The following WWTR1 variants were observed in gnomAD, a reference collection of about 807,000 sequenced individuals.
The protein encoded by WWTR1 is WW domain containing transcription regulator 1.
A neutral mutation model predicts 40.1 loss-of-function variants in WWTR1; 13 were observed. The ratio of observed to expected loss-of-function variants is 0.32; its 90% CI spans 0.21 to 0.52. WWTR1 has a LOEUF of 0.52. WWTR1 is among the 20% of genes least tolerant of loss of function. The pLI is 0.97. For synonymous variants in WWTR1, 230 were observed against 210.1 expected (o/e 1.09, Z -0.82); for missense variants, 436 against 523.1 (o/e 0.83, Z 1.63).
chr3:149,704,403 C>T (rs1559846203), upstream of WWTR1, among the ~76,000 whole-genome samples: 1 of 152,114 alleles, frequency 6.6e-6, no homozygotes, highest in Non-Finnish European at 1.5e-5. Flanking sequence ...CAAAAGCCTC[C>T]CTCCCAAATG....
chr3:149,548,561 G>A (rs1031042473), intron 3 of WWTR1, among the ~76,000 whole-genome samples: 17 of 152,186 alleles, frequency 1.1e-4, no homozygotes, highest in South Asian at 2.1e-4. Flanking sequence ...AAACCATAGC[G>A]GACAGGCCTG....
intron 6 of WWTR1, among the ~76,000 whole-genome samples, chr3:149,522,728 C>A (rs1261061542): frequency 6.6e-6 from 1 of 152,016 alleles, no homozygotes; most frequent in African/African-American, 2.4e-5. Flanking sequence ...TTTAGCCAAG[C>A]AAAATCTCTG....
intron 2 of WWTR1, among the ~76,000 whole-genome samples, chr3:149,577,468 G>A (rs1035464959): frequency 1.8e-4 from 28 of 152,064 alleles, no homozygotes; most frequent in African/African-American, 5.8e-4. Context: ...CTTCCTTCAA[G>A]AGCCCCTTGG....
intron 1 of WWTR1, among the ~76,000 whole-genome samples, chr3:149,685,139 GA>G (rs1465093203): frequency 2.6e-5 from 4 of 152,204 alleles, no homozygotes; most frequent in African/African-American, 9.6e-5. Context: ...ATCCTGGGAG[GA>G]ATTGCCTTAC....
At chr3:149,672,622 G>C (rs913635970) in intron 1 of WWTR1, among the ~76,000 whole-genome samples, 1 of 151,844 alleles carries the variant, frequency 6.6e-6, no homozygotes, top group African/African-American at 2.4e-5. Flanking sequence ...TAGAGATATA[G>C]TTCTTAATAA....
chr3:149,549,304 T>C (rs548033110), intron 3 of WWTR1, among the ~76,000 whole-genome samples: 3 of 152,308 alleles, frequency 2.0e-5, no homozygotes, highest in African/African-American at 7.2e-5. Context: ...CAGTGACAAG[T>C]CATGATAATG....
At chr3:149,696,642 C>T (rs917976984) in intron 1 of WWTR1, among the ~76,000 whole-genome samples, 8 of 152,194 alleles carry the variant, frequency 5.3e-5, no homozygotes, top group Non-Finnish European at 7.3e-5. Flanking sequence ...GCATACCAGT[C>T]CCTGAAGGTC....
intron 2 of WWTR1, among the ~76,000 whole-genome samples, chr3:149,579,587 G>A (rs955358718): frequency 1.3e-5 from 2 of 152,074 alleles, no homozygotes; most frequent in East Asian, 3.9e-4. Context: ...TGAGGCGGGA[G>A]GACTGCTTGA....
chr3:149,700,361 G>A (rs1011707956), intron 1 of WWTR1, among the ~76,000 whole-genome samples: 6 of 152,034 alleles, frequency 3.9e-5, no homozygotes, highest in Non-Finnish European at 8.8e-5. Flanking sequence ...TGACAGGAAG[G>A]ATCTATGTGC....
intron 4 of WWTR1, among the ~76,000 whole-genome samples, chr3:149,530,821 C>G (rs1735537873): frequency 6.6e-6 from 1 of 152,106 alleles, no homozygotes; most frequent in South Asian, 2.1e-4. Flanking sequence ...CCAAGTCATC[C>G]TAAGGGCAAA....
At chr3:149,551,395 T>C (rs1000512788) in intron 3 of WWTR1, among the ~76,000 whole-genome samples, 1 of 145,568 alleles carries the variant, frequency 6.9e-6, no homozygotes, top group Non-Finnish European at 1.5e-5. Context: ...TTCAAAGGCA[T>C]ACACTGGGTA....
chr3:149,620,027 A>T (rs1740196103), intron 2 of WWTR1, among the ~76,000 whole-genome samples: 1 of 152,114 alleles, frequency 6.6e-6, no homozygotes, highest in African/African-American at 2.4e-5. Context: ...ACACGCTTTG[A>T]TGTATTTTGG....
chr3:149,719,877 T>A (rs1315380968), intron 4 of WWTR1, among the ~76,000 whole-genome samples: 1 of 152,224 alleles, frequency 6.6e-6, no homozygotes, highest in African/African-American at 2.4e-5. Flanking sequence ...AGGCTGAGCA[T>A]CTTTGCATGT....
chr3:149,697,561 A>C (rs1715036030), intron 1 of WWTR1, among the ~76,000 whole-genome samples: 1 of 152,194 alleles, frequency 6.6e-6, no homozygotes, highest in Admixed American at 6.5e-5. Flanking sequence ...CCCACCACCA[A>C]CACCGGAGAT....
chr3:149,664,730 A>C (rs1713734618), intron 2 of WWTR1, among the ~76,000 whole-genome samples: 1 of 151,986 alleles, frequency 6.6e-6, no homozygotes, highest in Non-Finnish European at 1.5e-5. Flanking sequence ...CTGGGATTAC[A>C]GGCATGCGCC....
chr3:149,576,267 C>T, intron 2 of WWTR1: 1 of 353,252 alleles, frequency 2.8e-6, no homozygotes, highest in South Asian at 2.2e-5. Context: ...TTGATGATTT[C>T]ATCTGAAAAC....
At chr3:149,610,804 C>T (rs776655565) in intron 2 of WWTR1, among the ~76,000 whole-genome samples, 1 of 152,046 alleles carries the variant, frequency 6.6e-6, no homozygotes, top group Non-Finnish European at 1.5e-5. Flanking sequence ...ATACAACATC[C>T]GGGGGACTCA....
intron 2 of WWTR1, among the ~76,000 whole-genome samples, chr3:149,610,671 C>T (rs529894330): frequency 1.1e-4 from 16 of 152,300 alleles, no homozygotes; most frequent in East Asian, 3.9e-4. Context: ...GGAGGCAGGA[C>T]GCCAGAAGGC....
chr3:149,532,285 A>G (rs1364033680), intron 4 of WWTR1, among the ~76,000 whole-genome samples: 2 of 152,176 alleles, frequency 1.3e-5, no homozygotes, highest in Admixed American at 1.3e-4. Context: ...CAAAAAAAAC[A>G]AAATAAACAA....
Sources: allele counts gnomAD v4.1 joint callset (sites outside exome capture counted in the v4.1 genomes callset), GRCh38; gene constraint gnomAD v4.1.1; transcripts MANE v1.5; gene names NCBI Gene and HGNC (gene_info 2026-07-23, HGNC 2026-07-21).